Variants in BANF2 observed in about 807,000 individuals in gnomAD.
The protein encoded by BANF2 is barrier-to-autointegration factor-like protein.
A neutral mutation model predicts 8.0 loss-of-function variants in BANF2; 4 were observed. The observed-to-expected ratio is 0.50, with a 90% CI of 0.25 to 1.14. BANF2 has a LOEUF of 1.14. Ranked by LOEUF, BANF2 falls within the 50% of genes most tolerant of loss-of-function variation. The pLI, the probability that BANF2 is intolerant of heterozygous loss-of-function variation, is 0.16. For missense variants in BANF2, 96 were observed against 107.5 expected (o/e 0.89, Z 0.47); for synonymous variants, 50 against 40.6 (o/e 1.23, Z -0.88).
intron 1 of BANF2, among the ~76,000 whole-genome samples, chr20:17,719,004 G>A (rs1195388254): frequency 1.3e-5 from 2 of 152,170 alleles, no homozygotes; most frequent in East Asian, 3.8e-4. Context: ...TGTCCATAAT[G>A]GACCCAATGC....
intron 1 of BANF2, among the ~76,000 whole-genome samples, chr20:17,707,761 G>T (rs1341094802): frequency 6.6e-6 from 1 of 151,272 alleles, no homozygotes; most frequent in Non-Finnish European, 1.5e-5. Context: ...TTTGTATTTA[G>T]TAGAGACGAA....
At chr20:17,714,578 G>A (rs747664411) in intron 1 of BANF2, among the ~76,000 whole-genome samples, 9 of 152,208 alleles carry the variant, frequency 5.9e-5, no homozygotes, top group Non-Finnish European at 1.2e-4. Flanking sequence ...TTCATGGATC[G>A]TTGCAGTTTG....
chr20:17,694,140 G>T (rs774069865), intron 1 of BANF2, among the ~76,000 whole-genome samples: 6 of 152,216 alleles, frequency 3.9e-5, no homozygotes, highest in Non-Finnish European at 5.9e-5. Flanking sequence ...TGCTCCAGGG[G>T]CTGGACATAC....
intron 3 of BANF2, among the ~76,000 whole-genome samples, chr20:17,727,252 G>A (rs2037820902): frequency 6.6e-6 from 1 of 152,202 alleles, no homozygotes; most frequent in Non-Finnish European, 1.5e-5. Context: ...CCAGTGCAGT[G>A]AGCACTTTCC....
upstream of BANF2, among the ~76,000 whole-genome samples, chr20:17,699,501 G>C (rs928720173): frequency 2.6e-5 from 4 of 152,160 alleles, no homozygotes; most frequent in Non-Finnish European, 5.9e-5. Flanking sequence ...GTCCCTACCA[G>C]GTGGGCAGTA....
intron 1 of BANF2, among the ~76,000 whole-genome samples, chr20:17,708,154 G>T (rs1600215297): frequency 6.6e-6 from 1 of 151,902 alleles, no homozygotes; most frequent in African/African-American, 2.4e-5. Flanking sequence ...TTGAAACCAG[G>T]ATGCAGAGGT....
At chr20:17,693,883 C>T (rs1187206943) in intron 1 of BANF2, among the ~76,000 whole-genome samples, 1 of 152,172 alleles carries the variant, frequency 6.6e-6, no homozygotes, top group African/African-American at 2.4e-5. Context: ...TCCTTATTCC[C>T]GCATCTTCAC....
At chr20:17,711,793 C>G (rs1396957188) in intron 1 of BANF2, among the ~76,000 whole-genome samples, 2 of 152,214 alleles carry the variant, frequency 1.3e-5, no homozygotes, top group African/African-American at 4.8e-5. Flanking sequence ...TTGAGGTTCC[C>G]TGCAACACTT....
upstream of BANF2, among the ~76,000 whole-genome samples, chr20:17,696,947 T>A (rs1485062911): frequency 6.6e-6 from 1 of 152,024 alleles, no homozygotes; most frequent in Non-Finnish European, 1.5e-5. Flanking sequence ...CTAAGAGATC[T>A]GATGGTGATG....
chr20:17,703,421 C>T (rs561060725), intron 1 of BANF2, among the ~76,000 whole-genome samples: 2 of 152,368 alleles, frequency 1.3e-5, no homozygotes, highest in South Asian at 4.1e-4. Context: ...GAACATTCTG[C>T]AGGACAGCCC....
At chr20:17,714,197 CAA>C (rs11375517) in intron 1 of BANF2, among the ~76,000 whole-genome samples, 4 of 75,306 alleles carry the variant, frequency 5.3e-5, no homozygotes, top group Admixed American at 1.5e-4. Flanking sequence ...GAGACTCTGT[CAA>C]AAAAAAAAAA....
Position 17,723,713 on chromosome 20 carries a change from G to A in BANF2, c.-4+835G>A, listed in dbSNP as rs576952038. ...GTCTCTATCAAACTTGGAAGATGGC[G>A]GCCGGGCGCAGCAGCTCATGCCTGT... On this transcript the variant is annotated intron_variant, in intron 2 of 3. Coordinates refer to ENST00000246090, the MANE Select transcript of BANF2 (RefSeq NM_178477.5). Among the ~76,000 whole-genome samples the A allele has an allele frequency of 6.6e-5, 10 of 152,260 alleles. No homozygotes were observed. The South Asian group carries it at 1.0e-3, about 16-fold the overall frequency.
chr20:17,729,072 G>A (rs537405486), intron 3 of BANF2, among the ~76,000 whole-genome samples: 1 of 152,244 alleles, frequency 6.6e-6, no homozygotes, highest in East Asian at 1.9e-4. Context: ...TATGTGGCTA[G>A]CTCACTTATT....
At chr20:17,710,352 T>C (rs1409530333) in intron 1 of BANF2, among the ~76,000 whole-genome samples, 1 of 152,192 alleles carries the variant, frequency 6.6e-6, no homozygotes, top group East Asian at 1.9e-4. Context: ...AGCTCATCAC[T>C]GCCTTTTACT....
At chr20:17,706,437 G>T (rs1377945173) in intron 1 of BANF2, among the ~76,000 whole-genome samples, 1 of 152,172 alleles carries the variant, frequency 6.6e-6, no homozygotes, top group Non-Finnish European at 1.5e-5. Flanking sequence ...TAACACGAAG[G>T]ATTCAAGCTC....
At chr20:17,722,469 A>G (rs2122627330) in intron 1 of BANF2, among the ~76,000 whole-genome samples, 1 of 152,290 alleles carries the variant, frequency 6.6e-6, no homozygotes, top group East Asian at 1.9e-4. Flanking sequence ...CACCCAATTC[A>G]TCAATCCCAA....
At chr20:17,700,490 C>T (rs4813276) in intron 1 of BANF2, among the ~76,000 whole-genome samples, 25,296 of 152,190 alleles carry the variant, frequency 0.17, 2,660 homozygotes, top group East Asian at 0.41. Context: ...AGCCACCTCC[C>T]GTCCAAAATG....
upstream of BANF2, among the ~76,000 whole-genome samples, chr20:17,698,050 CA>C (rs553637543): frequency 6.6e-6 from 1 of 151,794 alleles, no homozygotes; most frequent in Non-Finnish European, 1.5e-5. Context: ...ACTAAAAATA[CA>C]AAAAAATTAG....
intron 3 of BANF2, among the ~76,000 whole-genome samples, chr20:17,727,749 G>T (rs984656563): frequency 6.6e-6 from 1 of 152,030 alleles, no homozygotes; most frequent in East Asian, 1.9e-4. Flanking sequence ...TTTGTTTTTG[G>T]TTTTGTTTTT....
Sources: gnomAD v4.1 joint callset for allele counts (sites outside exome capture counted in the v4.1 genomes callset) on GRCh38, gnomAD v4.1.1 for gene constraint, MANE v1.5 for transcripts, NCBI Gene and HGNC (gene_info 2026-07-23, HGNC 2026-07-21) for gene names.